The following GRXCR1 variants were observed in gnomAD, a reference collection of about 807,000 sequenced individuals.
GRXCR1 encodes glutaredoxin and cysteine rich domain containing 1, also known as glutaredoxin domain-containing cysteine-rich protein 1.
GRXCR1 carries 27 observed loss-of-function variants against 27.3 expected under a neutral mutation model. The observed-to-expected ratio is 0.99, with a 90% confidence interval of 0.73 to 1.37. GRXCR1 has a LOEUF of 1.37. GRXCR1 is among the 40% of genes most tolerant of loss of function. The probability of loss-of-function intolerance (pLI) is 0.00; values close to 1 mark genes in which losing one functional copy is unlikely to be tolerated. For missense variants in GRXCR1, 379 were observed against 354.4 expected, an observed-to-expected ratio of 1.07 and a Z score of -0.56; for synonymous variants, 122 against 131.1, an observed-to-expected ratio of 0.93 and a Z score of 0.47.
At chr4:43,016,649 G>A (rs953256136) in intron 2 of GRXCR1, among the ~76,000 whole-genome samples, 1 of 152,012 alleles carries the variant, frequency 6.6e-6, no homozygotes, top group Non-Finnish European at 1.5e-5. Flanking sequence ...GTGTGTGTGT[G>A]TGTGTGTGCA....
intron 2 of GRXCR1, among the ~76,000 whole-genome samples, chr4:43,015,959 G>A (rs545905693): frequency 7.9e-5 from 12 of 152,174 alleles, no homozygotes; most frequent in South Asian, 2.1e-4. Context: ...CTGGATATCC[G>A]TACACAGATA....
intron 2 of GRXCR1, among the ~76,000 whole-genome samples, chr4:42,983,550 G>A (rs1025758033): frequency 2.6e-5 from 4 of 151,516 alleles, no homozygotes; most frequent in Non-Finnish European, 5.9e-5. Context: ...CTCTTTTTTG[G>A]TTCCATATGA....
chr4:42,991,617 A>G (rs1003880516), intron 2 of GRXCR1, among the ~76,000 whole-genome samples: 3 of 152,072 alleles, frequency 2.0e-5, no homozygotes, highest in African/African-American at 7.2e-5. Flanking sequence ...GTTCTTTGAA[A>G]CATTGTCTAC....
At chr4:42,995,592 T>C (rs1327592758) in intron 2 of GRXCR1, among the ~76,000 whole-genome samples, 1 of 152,164 alleles carries the variant, frequency 6.6e-6, no homozygotes, top group African/African-American at 2.4e-5. Context: ...TGCACAAAGC[T>C]AATTGAGTGG....
intron 1 of GRXCR1, among the ~76,000 whole-genome samples, chr4:42,908,659 C>T (rs567091715): frequency 3.9e-5 from 6 of 152,178 alleles, no homozygotes; most frequent in South Asian, 2.1e-4. Flanking sequence ...ATGGGGGATG[C>T]GCATCAAAAC....
intron 3 of GRXCR1, among the ~76,000 whole-genome samples, chr4:43,030,109 A>C (rs949725699): frequency 1.3e-5 from 2 of 152,220 alleles, no homozygotes; most frequent in Admixed American, 1.3e-4. Context: ...GTGCCCTTCA[A>C]CCTAAAATTT....
chr4:42,965,599 G>C (rs1464454984), intron 2 of GRXCR1, among the ~76,000 whole-genome samples: 2 of 151,940 alleles, frequency 1.3e-5, no homozygotes, highest in Non-Finnish European at 2.9e-5. Context: ...AGCTGATGTT[G>C]GTAATTTCCT....
chr4:42,919,602 GA>G (rs1746963618), intron 1 of GRXCR1, among the ~76,000 whole-genome samples: 1 of 152,084 alleles, frequency 6.6e-6, no homozygotes, highest in Non-Finnish European at 1.5e-5. Context: ...GAATGTGAAA[GA>G]AATACATTTG....
chr4:42,930,259 C>T (rs1473192606), intron 1 of GRXCR1, among the ~76,000 whole-genome samples: 1 of 152,012 alleles, frequency 6.6e-6, no homozygotes, highest in East Asian at 1.9e-4. Context: ...TATTAGGCAA[C>T]ATTGTGCTAA....
At chr4:43,007,948 G>A (rs1031540803) in intron 2 of GRXCR1, among the ~76,000 whole-genome samples, 6 of 152,056 alleles carry the variant, frequency 3.9e-5, no homozygotes, top group African/African-American at 1.2e-4. Context: ...TTTTTACAAT[G>A]TTTCCAAGGC....
intron 2 of GRXCR1, among the ~76,000 whole-genome samples, chr4:43,001,189 T>A (rs990155070): frequency 2.0e-5 from 3 of 152,074 alleles, no homozygotes; most frequent in Non-Finnish European, 4.4e-5. Flanking sequence ...ACTGTCCATT[T>A]TTCCCCCCGG....
intron 2 of GRXCR1, among the ~76,000 whole-genome samples, chr4:43,014,904 C>T (rs572440713): frequency 3.3e-5 from 5 of 152,312 alleles, no homozygotes; most frequent in South Asian, 4.1e-4. Flanking sequence ...CCCCTGAAAT[C>T]ACCACTGGAC....
At position 43,017,737 on chromosome 4, in the gene GRXCR1, C is replaced by G. The variant is rs115281685; in HGVS notation, c.628-2617C>G. On this transcript the variant is annotated intron_variant, in intron 2 of 3. Transcript: ENST00000399770. Reference sequence around the variant, plus strand: ...TTGAATGGTGGAGTGTATGTAAAAACAAACTTATGTCTGACATTCTTAGCC... The same window carrying G: ...TTGAATGGTGGAGTGTATGTAAAAAGAAACTTATGTCTGACATTCTTAGCC... 5.1e-3 allele frequency among the ~76,000 whole-genome samples: 778 copies of G among 152,136 alleles called. 12 individuals carry two copies. The highest frequency in any genetic ancestry group is 0.015 in the African/African-American group (637 of 41,502).
At chr4:42,917,486 C>T (rs927259331) in intron 1 of GRXCR1, among the ~76,000 whole-genome samples, 1 of 152,154 alleles carries the variant, frequency 6.6e-6, no homozygotes, top group African/African-American at 2.4e-5. Flanking sequence ...TCAGCTGAGA[C>T]TCACCAGAGA....
chr4:42,998,945 T>C (rs1712263122), intron 2 of GRXCR1, among the ~76,000 whole-genome samples: 1 of 152,214 alleles, frequency 6.6e-6, no homozygotes, highest in African/African-American at 2.4e-5. Context: ...TGATGTCCGG[T>C]ACCTATATTA....
At chr4:42,984,627 A>G (rs1711623619) in intron 2 of GRXCR1, among the ~76,000 whole-genome samples, 1 of 152,224 alleles carries the variant, frequency 6.6e-6, no homozygotes, top group Non-Finnish European at 1.5e-5. Context: ...AGGCTGGCAC[A>G]GTTCTGGGAC....
intron 2 of GRXCR1, among the ~76,000 whole-genome samples, chr4:43,004,665 GC>G (rs1313395137): frequency 6.6e-6 from 1 of 152,186 alleles, no homozygotes; most frequent in East Asian, 1.9e-4. Context: ...TTTCATAACT[GC>G]CCTGCTGGGT....
intron 1 of GRXCR1, among the ~76,000 whole-genome samples, chr4:42,935,474 C>G (rs71610033): frequency 0.13 from 19,103 of 151,690 alleles, 1,363 homozygotes; most frequent in Non-Finnish European, 0.16. Context: ...TTTTGTGCAA[C>G]AGATGTGGTT....
At chr4:42,930,237 G>A (rs1170173496) in intron 1 of GRXCR1, among the ~76,000 whole-genome samples, 1 of 152,026 alleles carries the variant, frequency 6.6e-6, no homozygotes, top group Non-Finnish European at 1.5e-5. Flanking sequence ...GAAGCACCAA[G>A]TTAATACTTA....
Sources: allele counts gnomAD v4.1 joint callset (sites outside exome capture counted in the v4.1 genomes callset), GRCh38; gene constraint gnomAD v4.1.1; transcripts MANE v1.5; gene names NCBI Gene and HGNC (gene_info 2026-07-23, HGNC 2026-07-21).